RBFOX3: variants seen among roughly 807,000 people sequenced by gnomAD.
RBFOX3 encodes RNA binding protein fox-1 homolog 3.
In RBFOX3, 17 loss-of-function variants were observed where a neutral mutation model predicts 48.7. The observed-to-expected ratio is 0.35, with a 90% confidence interval of 0.24 to 0.52. The LOEUF is 0.52. Among genes scored for constraint, RBFOX3 ranks in the 20% least tolerant of loss-of-function variants. RBFOX3 has a pLI of 0.94. For synonymous variants in RBFOX3, 212 were observed against 209.5 expected (o/e 1.01, Z -0.10); for missense variants, 382 against 497.5 (o/e 0.77, Z 2.21).
At chr17:79,470,077 G>C (rs34796484) in intron 2 of RBFOX3, among the ~76,000 whole-genome samples, 7,463 of 152,238 alleles carry the variant, frequency 0.049, 579 homozygotes, top group African/African-American at 0.17. Flanking sequence ...TGGAGGAGAG[G>C]CTGTCATGGG....
chr17:79,636,498 T>C, the RBFOX3 span, among the ~76,000 whole-genome samples: 779 of 152,218 alleles, frequency 5.1e-3, 9 homozygotes, highest in African/African-American at 0.018. Flanking sequence ...TTAAGAGAGA[T>C]TTTTCTTTAA....
chr17:79,139,863 G>A (rs2041556204), intron 4 of RBFOX3, among the ~76,000 whole-genome samples: 1 of 152,228 alleles, frequency 6.6e-6, no homozygotes, highest in African/African-American at 2.4e-5. Flanking sequence ...ACGTCTTGCT[G>A]ACTTCATCCC....
intron 2 of RBFOX3, among the ~76,000 whole-genome samples, chr17:79,346,926 A>T (rs1345746112): frequency 5.3e-5 from 8 of 152,304 alleles, no homozygotes; most frequent in Admixed American, 6.5e-5. Context: ...AACTTGCTAT[A>T]CTCTCCAGTT....
intron 1 of RBFOX3, among the ~76,000 whole-genome samples, chr17:79,597,746 C>T (rs910795368): frequency 6.6e-6 from 1 of 152,218 alleles, no homozygotes; most frequent in African/African-American, 2.4e-5. Flanking sequence ...AGGACAGACT[C>T]ACCCTGTGGC....
At chr17:79,616,377 A>C in the RBFOX3 span, among the ~76,000 whole-genome samples, 1 of 151,906 alleles carries the variant, frequency 6.6e-6, no homozygotes, top group Non-Finnish European at 1.5e-5. Context: ...CTCTACTAAA[A>C]ATACAAAAAT....
upstream of RBFOX3, among the ~76,000 whole-genome samples, chr17:79,612,388 G>A (rs1254772596): frequency 3.3e-5 from 5 of 152,064 alleles, no homozygotes; most frequent in Non-Finnish European, 5.9e-5. Flanking sequence ...TCTGGGGTTT[G>A]GTAGGGGCCT....
chr17:79,094,391 A>G (rs61042144), intron 14 of RBFOX3, 60 bp downstream of exon 14: 420,950 of 1,298,904 alleles, frequency 0.32, 70,482 homozygotes, highest in African/African-American at 0.48. Flanking sequence ...CAAGGGCCTC[A>G]CCACCCATGC....
chr17:79,555,297 G>A (rs2091542308), intron 1 of RBFOX3, among the ~76,000 whole-genome samples: 1 of 150,304 alleles, frequency 6.7e-6, no homozygotes. Context: ...TGGTGATGGT[G>A]GTGATGATGG....
At chr17:79,262,264 C>A (rs2065912862) in intron 3 of RBFOX3, among the ~76,000 whole-genome samples, 1 of 152,198 alleles carries the variant, frequency 6.6e-6, no homozygotes, top group African/African-American at 2.4e-5. Flanking sequence ...GCCCAGAGCT[C>A]TGCAGCCAGG....
At chr17:79,165,011 T>C (rs1326418113) in intron 4 of RBFOX3, among the ~76,000 whole-genome samples, 1 of 152,200 alleles carries the variant, frequency 6.6e-6, no homozygotes, top group African/African-American at 2.4e-5. Flanking sequence ...ACGCTCATCT[T>C]TCTAGAGCCA....
intron 4 of RBFOX3, among the ~76,000 whole-genome samples, chr17:79,222,637 C>A (rs1345604805): frequency 6.6e-6 from 1 of 152,226 alleles, no homozygotes; most frequent in African/African-American, 2.4e-5. Context: ...GACGACAATG[C>A]CCACCAGAGA....
At chr17:79,425,737 G>A (rs1360484884) in intron 2 of RBFOX3, among the ~76,000 whole-genome samples, 5 of 152,072 alleles carry the variant, frequency 3.3e-5, no homozygotes, top group Non-Finnish European at 7.4e-5. Context: ...AGAGCAGAGG[G>A]AGCAGTGAAG....
the RBFOX3 span, among the ~76,000 whole-genome samples, chr17:79,626,588 C>T: frequency 1.3e-5 from 2 of 152,216 alleles, no homozygotes; most frequent in Admixed American, 6.5e-5. Flanking sequence ...GGCACCTCAT[C>T]GTCCAGGATA....
rs554646673 is a variant in RBFOX3 at position 79,236,986 on chromosome 17, C to T, written c.-73-1181G>A. Among the ~76,000 whole-genome samples the T allele has an allele frequency of 1.2e-4, 18 of 152,238 alleles. No individual in the cohort carries two copies. In the South Asian group the frequency reaches 3.7e-3, roughly 32 times the overall value. On this transcript the variant is annotated intron_variant, in intron 3 of 14. Coordinates refer to ENST00000693108, the MANE Select transcript of RBFOX3 (RefSeq NM_001350451.2). ...TAAAATATACATAATATACAATTTA[C>T]AATTTTAACCATTTTCAAATGTACA...
intron 2 of RBFOX3, among the ~76,000 whole-genome samples, chr17:79,446,844 C>T (rs1555738669): frequency 6.6e-6 from 1 of 152,108 alleles, no homozygotes; most frequent in East Asian, 1.9e-4. Flanking sequence ...CACGGAGCTG[C>T]CACGTCATCA....
chr17:79,280,844 G>C (rs1468512288), intron 3 of RBFOX3, among the ~76,000 whole-genome samples: 3 of 150,888 alleles, frequency 2.0e-5, no homozygotes, highest in East Asian at 1.9e-4. Flanking sequence ...CCCATTGTGG[G>C]GGGGGGGAGG....
At chr17:79,551,481 G>T (rs1373470073) in intron 1 of RBFOX3, among the ~76,000 whole-genome samples, 1 of 146,650 alleles carries the variant, frequency 6.8e-6, no homozygotes, top group Non-Finnish European at 1.5e-5. Flanking sequence ...AAAGATGGGT[G>T]GATGGACGGG....
the RBFOX3 span, among the ~76,000 whole-genome samples, chr17:79,620,064 TACATGCACACATGCACACAAGC>T: frequency 7.8e-6 from 1 of 127,940 alleles, no homozygotes; most frequent in Non-Finnish European, 1.6e-5. Flanking sequence ...CACACATATG[TACATGCACACATGCACACAAGC>T]ACATGCACAC....
rs147639975 is a variant in RBFOX3, at chr17:79,134,151, C to T, written c.-33-18403G>A. ...CTGGGACGTTCCCCTGTCCCTCCCA[C>T]GGTGCCCTGGGGCTTCCAGCAGCCA... On this transcript the variant is annotated intron_variant, in intron 4 of 14. Coordinates refer to ENST00000693108, the MANE Select transcript of RBFOX3 (RefSeq NM_001350451.2). Among the ~76,000 whole-genome samples, 8 of 152,352 alleles carry T rather than the reference C, an allele frequency of 5.3e-5. No individual in the cohort carries two copies. The South Asian group carries it at 6.2e-4, about 12-fold the overall frequency.
Sources: allele counts gnomAD v4.1 joint callset (sites outside exome capture counted in the v4.1 genomes callset), GRCh38; gene constraint gnomAD v4.1.1; transcripts MANE v1.5; gene names NCBI Gene and HGNC (gene_info 2026-07-23, HGNC 2026-07-21).